The following MACROD2 variants were observed in gnomAD, a reference collection of about 807,000 sequenced individuals.
The protein encoded by MACROD2 is ADP-ribose glycohydrolase MACROD2.
In MACROD2, 36 loss-of-function variants were observed where a neutral mutation model predicts 70.4. The observed-to-expected ratio is 0.51, with a 90% CI of 0.39 to 0.68. The LOEUF is 0.68. MACROD2 is among the 30% of genes least tolerant of loss of function. The probability of loss-of-function intolerance (pLI) is 0.00; values close to 1 mark genes in which losing one functional copy is unlikely to be tolerated. For synonymous variants in MACROD2, 172 were observed against 178.8 expected (o/e 0.96, Z 0.30); for missense variants, 496 against 538.4 (o/e 0.92, Z 0.78).
intron 8 of MACROD2, among the ~76,000 whole-genome samples, chr20:15,690,030 G>A (rs1385415649): frequency 6.6e-6 from 1 of 152,238 alleles, no homozygotes; most frequent in Non-Finnish European, 1.5e-5. Context: ...AACTCTAGTT[G>A]TGAGTGCAAT....
chr20:14,327,038 G>T (rs1486368839), intron 3 of MACROD2: 1 of 1,613,556 alleles, frequency 6.2e-7, no homozygotes, highest in African/African-American at 1.3e-5. Context: ...AAAAGCAGTC[G>T]GAGATAGTTG....
rs1360359795 is a variant in MACROD2 at position 14,237,318 on chromosome 20, A to C, written c.271+151590A>C. ...TGATGATTCTTTTTTTTGTTAGAGA[A>C]TATCAGCCACATACTTTGTATATAT... On this transcript the variant is annotated intron_variant, in intron 3 of 17. Transcript: ENST00000684519. Among the ~76,000 whole-genome samples, 5 of 152,014 alleles carry C rather than the reference A, an allele frequency of 3.3e-5. No homozygotes were observed. In the South Asian group the frequency reaches 6.2e-4, roughly 19 times the overall value.
chr20:15,596,633 C>T (rs891499276), intron 8 of MACROD2, among the ~76,000 whole-genome samples: 1 of 152,224 alleles, frequency 6.6e-6, no homozygotes, highest in Admixed American at 6.5e-5. Flanking sequence ...CTTAGCCCTT[C>T]AGGCCCTTGC....
chr20:15,280,111 A>G (rs1023221178), intron 6 of MACROD2, among the ~76,000 whole-genome samples: 1 of 152,244 alleles, frequency 6.6e-6, no homozygotes, highest in Non-Finnish European at 1.5e-5. Context: ...AGTGTTAACT[A>G]CATCATTTAA....
intron 4 of MACROD2, among the ~76,000 whole-genome samples, chr20:14,555,941 A>G (rs111584873): frequency 1.4e-4 from 22 of 152,174 alleles, no homozygotes; most frequent in African/African-American, 5.3e-4. Flanking sequence ...TCTTCTACTC[A>G]GCTGTTGCTT....
At chr20:15,799,456 C>T (rs142977758) in intron 8 of MACROD2, among the ~76,000 whole-genome samples, 1 of 152,314 alleles carries the variant, frequency 6.6e-6, no homozygotes, top group Non-Finnish European at 1.5e-5. Context: ...CTCCCACCCA[C>T]ACTTTCCAGC....
At chr20:15,845,099 G>C (rs184048869) in intron 8 of MACROD2, among the ~76,000 whole-genome samples, 1 of 152,192 alleles carries the variant, frequency 6.6e-6, no homozygotes, top group Non-Finnish European at 1.5e-5. Flanking sequence ...TGAAGAGTGT[G>C]TTCCCCCTAA....
At position 15,189,842 on chromosome 20, in the gene MACROD2, AT is replaced by A. The variant is rs963413630; in HGVS notation, c.419-40088del. Reference sequence around the variant, plus strand: ...ATTACAGTGTTATCTCACCGAGATGATTTTTTTTTTCCAACGGTAGAACCTC... The same window carrying A: ...ATTACAGTGTTATCTCACCGAGATGATTTTTTTTTCCAACGGTAGAACCTC... On this transcript the variant is annotated intron_variant, in intron 5 of 17. Coordinates refer to ENST00000684519, the MANE Select transcript of MACROD2 (RefSeq NM_001351661.2). 5.3e-5 allele frequency among the ~76,000 whole-genome samples: 8 copies of A among 151,080 alleles called. 1 individual carries two copies. Among genetic ancestry groups the A allele is most frequent in the Admixed American group, 1.3e-4 (2 of 15,158 alleles).
chr20:14,971,202 G>T (rs1354180197), intron 5 of MACROD2, among the ~76,000 whole-genome samples: 1 of 152,160 alleles, frequency 6.6e-6, no homozygotes, highest in African/African-American at 2.4e-5. Flanking sequence ...GACAAGAACA[G>T]ATAGTCCATA....
intron 5 of MACROD2, among the ~76,000 whole-genome samples, chr20:15,215,423 A>G (rs2145955263): frequency 6.6e-6 from 1 of 152,182 alleles, no homozygotes; most frequent in Middle Eastern, 3.4e-3. Context: ...GGTGAGGAAT[A>G]CATTCCTTGT....
At chr20:15,135,018 A>C (rs1298664923) in intron 5 of MACROD2, among the ~76,000 whole-genome samples, 1 of 152,206 alleles carries the variant, frequency 6.6e-6, no homozygotes, top group Admixed American at 6.5e-5. Flanking sequence ...AAGCAGGAAG[A>C]AGTTGAATCT....
At chr20:15,796,928 G>A (rs907436015) in intron 8 of MACROD2, among the ~76,000 whole-genome samples, 9 of 152,044 alleles carry the variant, frequency 5.9e-5, no homozygotes, top group African/African-American at 1.9e-4. Context: ...TTATATATAC[G>A]AGCTAGGAGT....
intron 3 of MACROD2, among the ~76,000 whole-genome samples, chr20:14,488,889 A>C (rs2084763603): frequency 6.6e-6 from 1 of 152,174 alleles, no homozygotes; most frequent in Non-Finnish European, 1.5e-5. Flanking sequence ...GACCAGCTGT[A>C]GCTCCTCCCT....
chr20:15,134,459 G>T (rs1340564634), intron 5 of MACROD2, among the ~76,000 whole-genome samples: 1 of 151,954 alleles, frequency 6.6e-6, no homozygotes, highest in Admixed American at 6.5e-5. Flanking sequence ...ACCTGCTCCT[G>T]AATCACTACT....
At chr20:15,121,529 A>AT (rs2076031026) in intron 5 of MACROD2, among the ~76,000 whole-genome samples, 1 of 150,956 alleles carries the variant, frequency 6.6e-6, no homozygotes, top group African/African-American at 2.4e-5. Context: ...AAAAAAAAAA[A>AT]AGAAAAAAGA....
intron 3 of MACROD2, among the ~76,000 whole-genome samples, chr20:14,304,609 C>T (rs917113021): frequency 3.0e-4 from 45 of 152,266 alleles, no homozygotes; most frequent in African/African-American, 8.4e-4. Context: ...TTATATCCAA[C>T]AGTTTATTAT....
intron 3 of MACROD2, among the ~76,000 whole-genome samples, chr20:14,227,276 G>T (rs1313989527): frequency 6.6e-6 from 1 of 152,076 alleles, no homozygotes; most frequent in African/African-American, 2.4e-5. Context: ...GCAGGCTGCC[G>T]GAGCCAGCAG....
intron 8 of MACROD2, among the ~76,000 whole-genome samples, chr20:15,553,284 A>G (rs2048122585): frequency 6.6e-6 from 1 of 152,150 alleles, no homozygotes; most frequent in Admixed American, 6.5e-5. Flanking sequence ...ATATGGACAA[A>G]TCATGTCAAT....
intron 5 of MACROD2, among the ~76,000 whole-genome samples, chr20:14,864,106 A>C (rs540273678): frequency 7.2e-5 from 11 of 152,208 alleles, no homozygotes; most frequent in African/African-American, 2.6e-4. Flanking sequence ...AACACTCTCT[A>C]TGTGTCCTGC....
Sources: gnomAD v4.1 joint callset for allele counts (sites outside exome capture counted in the v4.1 genomes callset) on GRCh38, gnomAD v4.1.1 for gene constraint, MANE v1.5 for transcripts, NCBI Gene and HGNC (gene_info 2026-07-23, HGNC 2026-07-21) for gene names.